ARL14EP: variants seen among roughly 807,000 people sequenced by gnomAD.
The protein encoded by ARL14EP is ARF like GTPase 14 effector protein, also known as ARL14 effector protein.
A neutral mutation model predicts 23.1 loss-of-function variants in ARL14EP; 12 were observed. That is an observed-to-expected ratio of 0.52 (90% CI 0.33 to 0.84). The LOEUF (loss-of-function observed/expected upper bound fraction) is 0.84, where lower values mean the gene tolerates loss of function less well. Ranked by LOEUF, ARL14EP falls within the 40% of genes least tolerant of loss-of-function variation. The probability of loss-of-function intolerance (pLI) is 0.02; values close to 1 mark genes in which losing one functional copy is unlikely to be tolerated. For synonymous variants in ARL14EP, 97 were observed against 102.0 expected, an observed-to-expected ratio of 0.95 and a Z score of 0.29; for missense variants, 253 against 307.3, an observed-to-expected ratio of 0.82 and a Z score of 1.32.
chr11:30,333,941 T>G (rs1042662678), intron 3 of ARL14EP, among the ~76,000 whole-genome samples: 1 of 152,146 alleles, frequency 6.6e-6, no homozygotes, highest in Non-Finnish European at 1.5e-5. Context: ...GGAGAAACTT[T>G]AAATGGTCTG....
chr11:30,323,949 T>C (rs1266401150), intron 1 of ARL14EP, among the ~76,000 whole-genome samples: 2 of 152,256 alleles, frequency 1.3e-5, no homozygotes, highest in African/African-American at 4.8e-5. Flanking sequence ...AATGGTGTTA[T>C]GGACTATATT....
chr11:30,335,297 A>C (rs1168813075), intron 3 of ARL14EP, among the ~76,000 whole-genome samples: 1 of 152,232 alleles, frequency 6.6e-6, no homozygotes, highest in Non-Finnish European at 1.5e-5. Flanking sequence ...ATTAAGGTGG[A>C]ATCTACTGGT....
At chr11:30,330,801 T>C (rs1947276042) in intron 1 of ARL14EP, 85 bp from the exon 2 acceptor site, 2 of 700,636 alleles carry the variant, frequency 2.9e-6, no homozygotes, top group Admixed American at 5.6e-5. Context: ...TTCTTTTAGA[T>C]AGGTGTTGAA....
intron 1 of ARL14EP, among the ~76,000 whole-genome samples, chr11:30,325,937 T>A (rs1947232223): frequency 1.3e-5 from 2 of 152,190 alleles, no homozygotes; most frequent in African/African-American, 4.8e-5. Context: ...AGCTCCAAGA[T>A]GCTGAAAGAA....
chr11:30,328,872 G>C (rs1346629923), intron 1 of ARL14EP: 1 of 151,736 alleles, frequency 6.6e-6, no homozygotes, highest in Non-Finnish European at 1.5e-5. Flanking sequence ...CTACCACTCA[G>C]ATTTCAGTGG....
intron 2 of ARL14EP, 24 bp downstream of exon 2, chr11:30,331,398 C>G: frequency 6.2e-7 from 1 of 1,613,328 alleles, no homozygotes; most frequent in African/African-American, 1.3e-5. Flanking sequence ...TCATTTTTTT[C>G]TACATTGTGA....
intron 1 of ARL14EP, among the ~76,000 whole-genome samples, chr11:30,325,092 A>G (rs1159511611): frequency 6.6e-6 from 1 of 152,224 alleles, no homozygotes. Flanking sequence ...GGTAGAACCA[A>G]AAGATCTGCA....
chr11:30,334,484 G>A (rs998116098), intron 3 of ARL14EP, among the ~76,000 whole-genome samples: 1 of 152,062 alleles, frequency 6.6e-6, no homozygotes, highest in Non-Finnish European at 1.5e-5. Context: ...AAAGTGCTGG[G>A]ATTACAGGTG....
chr11:30,334,979 TA>T (rs1947320135), intron 3 of ARL14EP, among the ~76,000 whole-genome samples: 2 of 152,148 alleles, frequency 1.3e-5, no homozygotes, highest in South Asian at 4.1e-4. Flanking sequence ...ATTTAAGAAA[TA>T]CGTTTTGTGA....
chr11:30,324,459 C>A (rs1483663580), intron 1 of ARL14EP, among the ~76,000 whole-genome samples: 1 of 152,130 alleles, frequency 6.6e-6, no homozygotes, highest in Admixed American at 6.5e-5. Flanking sequence ...ATCTCCCCTA[C>A]AAATTTAGGA....
intron 1 of ARL14EP, among the ~76,000 whole-genome samples, chr11:30,327,687 G>A (rs1219857026): frequency 1.3e-5 from 2 of 151,878 alleles, no homozygotes; most frequent in Admixed American, 6.6e-5. Context: ...GGCCAGGCAC[G>A]GTGGCTCATG....
At chr11:30,327,928 ATCTCG>A (rs1947250908) in intron 1 of ARL14EP, 1 of 149,314 alleles carries the variant, frequency 6.7e-6, no homozygotes. Context: ...GTGAGCCAAG[ATCTCG>A]CCACTGCACT....
At chr11:30,334,556 C>T (rs1947317178) in intron 3 of ARL14EP, among the ~76,000 whole-genome samples, 1 of 152,104 alleles carries the variant, frequency 6.6e-6, no homozygotes, top group Non-Finnish European at 1.5e-5. Context: ...TCTTTCATAG[C>T]TAGAGAGGGG....
chr11:30,328,051 G>C (rs1329424382), intron 1 of ARL14EP: 1 of 151,672 alleles, frequency 6.6e-6, no homozygotes, highest in African/African-American at 2.4e-5. Context: ...TTGCCACATA[G>C]TTCGTTGCCT....
chr11:30,331,465 A>G, intron 2 of ARL14EP, 91 bp downstream of exon 2: 1 of 1,576,978 alleles, frequency 6.3e-7, no homozygotes, highest in Non-Finnish European at 8.6e-7. Flanking sequence ...CATTATTACT[A>G]AATTTGTTAG....
At chr11:30,326,637 A>G (rs1947236675) in intron 1 of ARL14EP, among the ~76,000 whole-genome samples, 1 of 152,198 alleles carries the variant, frequency 6.6e-6, no homozygotes, top group Non-Finnish European at 1.5e-5. Flanking sequence ...CAGAGGAGGA[A>G]CAACCAGAGG....
chr11:30,335,867 A>AT (rs1947327926), intron 3 of ARL14EP, among the ~76,000 whole-genome samples: 1 of 152,044 alleles, frequency 6.6e-6, no homozygotes, highest in Non-Finnish European at 1.5e-5. Flanking sequence ...TGTAATTCAT[A>AT]TATCTCCGTT....
chr11:30,331,920 T>C lies in ARL14EP; in HGVS notation c.426+546T>C, dbSNP rs564535156. On this transcript the variant is annotated intron_variant, in intron 2 of 3. Transcript: ENST00000282032. ...CTTCTAGTTCTGAATTCCTACTTGA[T>C]ATGGTCAAGGCTAATTTTAGGACTC... The C allele has an allele frequency of 3.9e-5, 21 of 542,014 alleles. No individual in the cohort carries two copies. In the East Asian group the frequency reaches 2.6e-3, roughly 68 times the overall value. 33.6% of individuals were successfully genotyped at this position (542,014 alleles called of 1,614,324 possible).
rs1324403877 is a variant in ARL14EP at position 30,336,785 on chromosome 11, A to G, written c.773A>G (p.His258Arg). ...IEGGEIIHNK[H>R]AG Reference sequence around the variant, plus strand: ...GGAGGAGAAATAATTCATAATAAACATGCTGGATAATCTGCGGTACCAAAC... The same window carrying G: ...GGAGGAGAAATAATTCATAATAAACGTGCTGGATAATCTGCGGTACCAAAC... The change falls in exon 4 of 4, where the codon CAT becomes CGT. Residue 258 changes from histidine (H) to arginine (R), a missense_variant. Coordinates refer to ENST00000282032, the MANE Select transcript of ARL14EP (RefSeq NM_152316.3). The G allele has an allele frequency of 1.2e-6, 2 of 1,613,660 alleles. No individual in the cohort carries two copies. The highest frequency in any genetic ancestry group is 1.7e-5 in the Admixed American group (1 of 60,032).
Sources: gnomAD v4.1 joint callset for allele counts (sites outside exome capture counted in the v4.1 genomes callset) on GRCh38, gnomAD v4.1.1 for gene constraint, MANE v1.5 for transcripts, NCBI Gene and HGNC (gene_info 2026-07-23, HGNC 2026-07-21) for gene names.